MATN2: variants seen among roughly 807,000 people sequenced by gnomAD.
MATN2 encodes matrilin-2.
In MATN2, 69 loss-of-function variants were observed where a neutral mutation model predicts 103.2. That is an observed-to-expected ratio of 0.67 (90% CI 0.55 to 0.82). The LOEUF is 0.82. MATN2 is among the 40% of genes least tolerant of loss of function. The pLI is 0.00. For synonymous variants in MATN2, 429 were observed against 450.2 expected (o/e 0.95, Z 0.60); for missense variants, 1,023 against 1,211.5 (o/e 0.84, Z 2.31).
chr8:97,977,872 G>A (rs571370930), intron 5 of MATN2, among the ~76,000 whole-genome samples: 6 of 152,054 alleles, frequency 3.9e-5, no homozygotes, highest in Admixed American at 2.0e-4. Context: ...ATATCCTCAC[G>A]GCTCGTATTT....
chr8:97,897,168 G>A (rs1433328683), intron 2 of MATN2, among the ~76,000 whole-genome samples: 1 of 152,266 alleles, frequency 6.6e-6, no homozygotes, highest in Non-Finnish European at 1.5e-5. Context: ...TGATTCAGTA[G>A]GTCTGGGTTG....
chr8:97,955,152 G>A (rs1049923724), intron 4 of MATN2, among the ~76,000 whole-genome samples: 1 of 151,382 alleles, frequency 6.6e-6, no homozygotes, highest in Non-Finnish European at 1.5e-5. Flanking sequence ...GAGGTGAAGG[G>A]GTGGGTCTTG....
chr8:97,931,335 C>T lies in MATN2; in HGVS notation c.525C>T (p.Asp175=), dbSNP rs1439075025. ...TCGTGACAGATGGGAGACCTCAGGA[C>T]TCCGTGGCCGAGGTGGCTGCTAAGG... is the stretch of plus-strand genomic sequence containing the variant. ...IMIVTDGRPQ[D]SVAEVAAKAR... The change falls in exon 3 of 19, where the codon GAC becomes GAT. Residue 175 remains aspartate (D), a synonymous_variant. Transcript: ENST00000254898. This position sits in a 1 kb window ranked among gnomAD's most constrained non-coding sequence, Gnocchi z 4.1. The T allele has an allele frequency of 1.9e-6, 3 of 1,613,884 alleles. No individual in the cohort carries two copies. Among genetic ancestry groups the T allele is most frequent in the African/African-American group, 1.3e-5 (1 of 75,050 alleles).
rs1314340390 is a variant in MATN2, at chr8:98,007,214, C to A, written c.1437C>A (p.Leu479=). ...CSEGFLINED[L]KTCSRVDYCL... is the part of the protein sequence containing the mutation. The stretch of plus-strand genomic sequence containing the variant: ...AAGGCTTCCTCATCAACGAGGACCT[C>A]AAGACCTGCTCCCGTGAGTCCCTCC... The change falls in exon 9 of 19, where the codon CTC becomes CTA. Residue 479 remains leucine (L), a synonymous_variant. Coordinates refer to ENST00000254898, the MANE Select transcript of MATN2 (RefSeq NM_002380.5). The surrounding 1 kb of genome is among the most constrained non-coding windows in gnomAD (Gnocchi z 4.2). 2 of 1,613,950 alleles carry A rather than the reference C, an allele frequency of 1.2e-6. No individual in the cohort carries two copies.
intron 6 of MATN2, among the ~76,000 whole-genome samples, chr8:97,988,171 A>AATATATATATATATATATATATATAT (rs1554611754): frequency 2.2e-5 from 1 of 46,118 alleles, no homozygotes; most frequent in African/African-American, 1.3e-4. Flanking sequence ...AAAAAAAAAA[A>AATATATATATATATATATATATATAT]ATATATATAT....
chr8:97,925,840 G>A lies in MATN2; in HGVS notation c.143-5113G>A, dbSNP rs185056893. ...ATGAAATGATTTTACCCTTGTCATG[G>A]AGATTCATATTCATTCCTTCTCCAA... On this transcript the variant is annotated intron_variant, in intron 2 of 18. Coordinates refer to ENST00000254898, the MANE Select transcript of MATN2 (RefSeq NM_002380.5). Among the ~76,000 whole-genome samples, 24 of 152,270 alleles carry A rather than the reference G, an allele frequency of 1.6e-4. No homozygotes were observed. In the East Asian group the frequency reaches 3.3e-3, roughly 21 times the overall value.
Position 98,026,948 on chromosome 8 carries a change from G to A in MATN2, c.1943-468G>A, listed in dbSNP as rs1475340534. ...TTGGGGTATATAGAAAGCAATACAA[G>A]CTGAGTTACTAGGAAGGCTCCCCAG... is the stretch of plus-strand genomic sequence containing the variant. On this transcript the variant is annotated intron_variant, in intron 13 of 18. Coordinates refer to ENST00000254898, the MANE Select transcript of MATN2 (RefSeq NM_002380.5). Among the ~76,000 whole-genome samples the A allele has an allele frequency of 2.6e-5, 4 of 152,144 alleles. No homozygotes were observed. The East Asian group carries it at 7.7e-4, about 29-fold the overall frequency.
At chr8:97,969,963 G>C (rs1037059769) in intron 5 of MATN2, among the ~76,000 whole-genome samples, 4 of 152,232 alleles carry the variant, frequency 2.6e-5, no homozygotes, top group African/African-American at 9.6e-5. Context: ...ATGCAGGGCA[G>C]GCAAGTCCCA....
rs1234923857 is a variant in MATN2, at chr8:97,931,370, CGG to C, written c.562_563del (p.Gly188HisfsTer22). ...GAGGTGGCTGCTAAGGCACGGGACACGGGCATCCTAATCTTTGCCATTGGTGT... is the reference window on the plus strand; with the variant it reads ...GAGGTGGCTGCTAAGGCACGGGACACGCATCCTAATCTTTGCCATTGGTGT... On this transcript the variant is annotated frameshift_variant, in exon 3 of 19. Coordinates refer to ENST00000254898, the MANE Select transcript of MATN2 (RefSeq NM_002380.5). LOFTEE classifies it high-confidence loss of function. This position sits in a 1 kb window ranked among gnomAD's most constrained non-coding sequence, Gnocchi z 4.1. The C allele has an allele frequency of 6.2e-7, 1 of 1,613,482 alleles. No homozygotes were observed. Among genetic ancestry groups the C allele is most frequent in the East Asian group, 2.2e-5 (1 of 44,870 alleles).
chr8:97,953,207 G>A (rs1411283459), intron 4 of MATN2, among the ~76,000 whole-genome samples: 4 of 152,072 alleles, frequency 2.6e-5, no homozygotes, highest in African/African-American at 9.7e-5. Context: ...GCCGGCCCAT[G>A]TTTGCAGCTT....
intron 1 of MATN2, among the ~76,000 whole-genome samples, chr8:97,877,479 A>G (rs3935170): frequency 0.34 from 51,173 of 151,258 alleles, 10,418 homozygotes; most frequent in Non-Finnish European, 0.45. Flanking sequence ...CTCAGTCTCA[A>G]AAAAAAAACT....
intron 1 of MATN2, among the ~76,000 whole-genome samples, chr8:97,875,861 A>G (rs1288106328): frequency 6.6e-6 from 1 of 150,762 alleles, no homozygotes; most frequent in Non-Finnish European, 1.5e-5. Context: ...CTGACCAGAT[A>G]ATTTTTTGTA....
intron 2 of MATN2, among the ~76,000 whole-genome samples, chr8:97,903,594 G>A (rs1370122916): frequency 2.6e-5 from 4 of 152,242 alleles, no homozygotes; most frequent in Non-Finnish European, 5.9e-5. Context: ...TCTTTGCCCT[G>A]TAGATGCCAA....
intron 4 of MATN2, among the ~76,000 whole-genome samples, chr8:97,952,916 ATTTTTTT>A (rs71570276): frequency 3.7e-4 from 36 of 96,110 alleles, no homozygotes; most frequent in Non-Finnish European, 4.9e-4. Context: ...GTTTGTAGGG[ATTTTTTT>A]TTTTTTTTTT....
intron 2 of MATN2, among the ~76,000 whole-genome samples, chr8:97,889,137 C>T (rs1439522145): frequency 6.6e-6 from 1 of 152,052 alleles, no homozygotes; most frequent in African/African-American, 2.4e-5. Flanking sequence ...GTTGGCCAGC[C>T]ACTCGAATCT....
chr8:98,000,079 C>A (rs1005629175), intron 7 of MATN2, among the ~76,000 whole-genome samples: 28 of 151,318 alleles, frequency 1.9e-4, no homozygotes, highest in Non-Finnish European at 1.2e-4. Context: ...TGGGCTTTCA[C>A]CATGTTGGCC....
rs565597946 is a variant in MATN2, at chr8:97,972,037, A to G, written c.959-6849A>G. Among the ~76,000 whole-genome samples, 222 of 152,158 alleles carry G rather than the reference A, an allele frequency of 1.5e-3. 1 individual carries two copies. Among genetic ancestry groups the G allele is most frequent in the African/African-American group, 5.1e-3 (213 of 41,492 alleles). On this transcript the variant is annotated intron_variant, in intron 5 of 18. Transcript: ENST00000254898. ...ATGGTGAAAACCTGTCACTACAAAA[A>G]TAACAAAAATTAGCTGGGGGTGGTA...
chr8:97,883,133 A>G (rs1340130384), intron 1 of MATN2, among the ~76,000 whole-genome samples: 1 of 151,850 alleles, frequency 6.6e-6, no homozygotes, highest in African/African-American at 2.4e-5. Context: ...GTGAAACCTC[A>G]TCTCTACTAA....
At chr8:97,908,809 A>G (rs1228830918) in intron 2 of MATN2, among the ~76,000 whole-genome samples, 1 of 152,082 alleles carries the variant, frequency 6.6e-6, no homozygotes, top group African/African-American at 2.4e-5. Flanking sequence ...TTGTGTTTTT[A>G]GTAGAGACAG....
Sources: gnomAD v4.1 joint callset for allele counts (sites outside exome capture counted in the v4.1 genomes callset) on GRCh38, gnomAD v4.1.1 for gene constraint, Gnocchi (gnomAD v3.1) non-coding constraint, MANE v1.5 for transcripts, NCBI Gene and HGNC (gene_info 2026-07-23, HGNC 2026-07-21) for gene names.